Variants in IGF1R observed in about 807,000 individuals in gnomAD.
The protein encoded by IGF1R is insulin like growth factor 1 receptor.
A neutral mutation model predicts 144.6 loss-of-function variants in IGF1R; 44 were observed. The observed-to-expected ratio is 0.30, with a 90% CI of 0.24 to 0.39. The LOEUF (loss-of-function observed/expected upper bound fraction) is 0.39, where lower values mean the gene tolerates loss of function less well. Among genes scored for constraint, IGF1R ranks in the 10% least tolerant of loss-of-function variants. The pLI is 1.00. For missense variants in IGF1R, 1,355 were observed against 1,833.7 expected, an observed-to-expected ratio of 0.74 and a Z score of 4.77; for synonymous variants, 795 against 722.8, an observed-to-expected ratio of 1.10 and a Z score of -1.60.
At chr15:98,875,884 T>C (rs541496334) in intron 2 of IGF1R, among the ~76,000 whole-genome samples, 42 of 152,274 alleles carry the variant, frequency 2.8e-4, no homozygotes, top group Non-Finnish European at 5.4e-4. Context: ...GGGCATAGGA[T>C]GGATGACAGG....
intron 2 of IGF1R, among the ~76,000 whole-genome samples, chr15:98,856,107 A>G (rs1263424591): frequency 6.6e-6 from 1 of 152,228 alleles, no homozygotes; most frequent in African/African-American, 2.4e-5. Context: ...TCCAAGTCTG[A>G]GTAGCCTTAA....
intron 19 of IGF1R, among the ~76,000 whole-genome samples, chr15:98,943,837 C>G (rs187389821): frequency 1.3e-5 from 2 of 152,308 alleles, no homozygotes; most frequent in African/African-American, 4.8e-5. Context: ...CTCCAACAGT[C>G]TGGATGACCG....
At chr15:98,706,117 C>T (rs1269513076) in intron 1 of IGF1R, among the ~76,000 whole-genome samples, 1 of 152,238 alleles carries the variant, frequency 6.6e-6, no homozygotes, top group Non-Finnish European at 1.5e-5. Context: ...AGAGTGGACT[C>T]GCTGTGTGCA....
chr15:98,769,160 TAGAC>T (rs2055519788), intron 2 of IGF1R, among the ~76,000 whole-genome samples: 2 of 152,240 alleles, frequency 1.3e-5, no homozygotes, highest in Non-Finnish European at 2.9e-5. Context: ...TGAACATTTT[TAGAC>T]AGGAAGATTC....
Position 98,845,545 on chromosome 15 carries a change from C to G in IGF1R, c.641-45780C>G, listed in dbSNP as rs1458433362. On this transcript the variant is annotated intron_variant, in intron 2 of 20. Transcript: ENST00000650285. ...CTCCTCCCCCTCCTTCCTCCTCCTCCCCCTCCTCTCTCCTCTTCTCTCGTT... is the reference window on the plus strand; with the variant it reads ...CTCCTCCCCCTCCTTCCTCCTCCTCGCCCTCCTCTCTCCTCTTCTCTCGTT... Among the ~76,000 whole-genome samples the G allele has an allele frequency of 2.1e-5, 3 of 144,486 alleles. 1 individual carries two copies. Among genetic ancestry groups the G allele is most frequent in the Non-Finnish European group, 4.6e-5 (3 of 65,424 alleles). 94.8% of individuals were successfully genotyped at this position (144,486 alleles called of 152,430 possible).
intron 2 of IGF1R, among the ~76,000 whole-genome samples, chr15:98,711,948 G>A (rs916663895): frequency 7.2e-5 from 11 of 152,176 alleles, no homozygotes; most frequent in African/African-American, 2.7e-4. Context: ...TCACATGTTG[G>A]AAGGGGCGAG....
In IGF1R at chr15:98,712,571, C is replaced by A. The variant is rs77620515; in HGVS notation, c.640+4464C>A. Among the ~76,000 whole-genome samples, 266 of 151,378 alleles carry A rather than the reference C, an allele frequency of 1.8e-3. 1 individual carries two copies. Among genetic ancestry groups the A allele is most frequent in the Admixed American group, 3.8e-3 (58 of 15,196 alleles). ...CATAGCCTCTCTCCTGCTATTGTGT[C>A]CTGTGGCTCCACCGAGCACTGGGGA... On this transcript the variant is annotated intron_variant, in intron 2 of 20. Transcript: ENST00000650285.
intron 2 of IGF1R, among the ~76,000 whole-genome samples, chr15:98,709,978 A>G (rs1596217711): frequency 2.0e-5 from 3 of 152,198 alleles, no homozygotes; most frequent in African/African-American, 7.2e-5. Context: ...GTCCAAGTCT[A>G]AGAGTGGCGA....
rs2017143971 is a variant in IGF1R, at chr15:98,959,571, C to T, written c.*2129C>T. 1 of 233,548 alleles carries T rather than the reference C, an allele frequency of 4.3e-6. No homozygotes were observed. The highest frequency in any genetic ancestry group is 8.5e-6 in the Non-Finnish European group (1 of 118,050). The allele number at this position is 233,548 out of a possible 1,614,324, so 14.5% of individuals were successfully genotyped here. ...GCCCCTTTGCTTCTTGCTGGGGGAC[C>T]AGGGCTGTGGTGCTGGCCCACTTTC... is the stretch of plus-strand genomic sequence containing the variant. On this transcript the variant is annotated 3_prime_UTR_variant, in exon 21 of 21. Transcript: ENST00000650285.
rs908226796 is a variant in IGF1R, at chr15:98,668,168, T to C, written c.94+18493T>C. 3.9e-5 allele frequency among the ~76,000 whole-genome samples: 6 copies of C among 152,156 alleles called. No individual in the cohort carries two copies. The South Asian group carries it at 1.2e-3, about 32-fold the overall frequency. On this transcript the variant is annotated intron_variant, in intron 1 of 20. Coordinates refer to ENST00000650285, the MANE Select transcript of IGF1R (RefSeq NM_000875.5). ...AGAGCAAGGGGCTCTGGTCTCTTCC[T>C]CTTTATGTAAGGGCATTGTTGCCAT...
chr15:98,897,202 C>T, intron 4 of IGF1R: 6 of 419,956 alleles, frequency 1.4e-5, no homozygotes, highest in Non-Finnish European at 2.7e-5. Flanking sequence ...ACATACAAAC[C>T]CCAGAAGAGA....
intron 2 of IGF1R, among the ~76,000 whole-genome samples, chr15:98,879,787 A>AAAAT (rs1345736417): frequency 1.3e-5 from 2 of 152,196 alleles, no homozygotes; most frequent in Admixed American, 1.3e-4. Context: ...TTTATGAATG[A>AAAAT]AAATAAAAAG....
chr15:98,954,479 G>A (rs963520980), intron 20 of IGF1R: 1 of 151,980 alleles, frequency 6.6e-6, no homozygotes, highest in Non-Finnish European at 1.5e-5. Context: ...GAGATTTTTT[G>A]TGTGTGTGGA....
At chr15:98,822,413 C>G (rs1296535237) in intron 2 of IGF1R, among the ~76,000 whole-genome samples, 1 of 152,154 alleles carries the variant, frequency 6.6e-6, no homozygotes, top group Non-Finnish European at 1.5e-5. Flanking sequence ...ACTACATTTC[C>G]TAGGGGATAA....
In IGF1R at chr15:98,924,271, A is replaced by G. The variant is rs373376017; in HGVS notation, c.2623-254A>G. 3.1e-4 allele frequency among the ~76,000 whole-genome samples: 47 copies of G among 152,368 alleles called. No individual in the cohort carries two copies. The South Asian group carries it at 8.7e-3, about 28-fold the overall frequency. Reference sequence around the variant, plus strand: ...ATAACCTTGTGGCATAGGCCAGGTCAGTTCTAATAACTTTTAATCCTTCTG... The same window carrying G: ...ATAACCTTGTGGCATAGGCCAGGTCGGTTCTAATAACTTTTAATCCTTCTG... On this transcript the variant is annotated intron_variant, in intron 12 of 20. Transcript: ENST00000650285.
rs971079917 is a variant in IGF1R, at chr15:98,964,349, G to A, written c.*6907G>A. ...ATGAAAAAAATTTCAAAATGTTTTTGTATATTCTGTTGTAAGAATTTATTC... is the reference window on the plus strand; with the variant it reads ...ATGAAAAAAATTTCAAAATGTTTTTATATATTCTGTTGTAAGAATTTATTC... On this transcript the variant is annotated 3_prime_UTR_variant, in exon 21 of 21. Coordinates refer to ENST00000650285, the MANE Select transcript of IGF1R (RefSeq NM_000875.5). 4.3e-6 allele frequency: 1 copy of A among 230,514 alleles called. No individual in the cohort carries two copies. The allele number at this position is 230,514 out of a possible 1,614,324, so 14.3% of individuals were successfully genotyped here.
chr15:98,870,124 A>G (rs2012704781), intron 2 of IGF1R, among the ~76,000 whole-genome samples: 1 of 152,364 alleles, frequency 6.6e-6, no homozygotes, highest in East Asian at 1.9e-4. Flanking sequence ...AAAATTTACC[A>G]TCCAACCGTT....
At chr15:98,821,298 T>C (rs1842629242) in intron 2 of IGF1R, among the ~76,000 whole-genome samples, 1 of 151,176 alleles carries the variant, frequency 6.6e-6, no homozygotes, top group South Asian at 2.1e-4. Flanking sequence ...CCCCCCTTTT[T>C]AAACTGATTT....
intron 2 of IGF1R, among the ~76,000 whole-genome samples, chr15:98,851,644 C>G (rs577031202): frequency 4.9e-4 from 74 of 152,286 alleles, no homozygotes; most frequent in African/African-American, 1.8e-3. Flanking sequence ...GCACTTCCCG[C>G]TGGAAGCTGG....
Sources: allele counts gnomAD v4.1 joint callset (sites outside exome capture counted in the v4.1 genomes callset), GRCh38; gene constraint gnomAD v4.1.1; transcripts MANE v1.5; gene names NCBI Gene and HGNC (gene_info 2026-07-23, HGNC 2026-07-21).